Variants in PCDH7 observed in about 807,000 individuals in gnomAD.
PCDH7 encodes the protein protocadherin-7.
PCDH7 carries 17 observed loss-of-function variants against 58.9 expected under a neutral mutation model. That is an observed-to-expected ratio of 0.29 (90% confidence interval 0.20 to 0.43). The LOEUF is 0.43. PCDH7 is among the 20% of genes least tolerant of loss of function. The pLI, the probability that PCDH7 is intolerant of heterozygous loss-of-function variation, is 1.00. For synonymous variants in PCDH7, 664 were observed against 616.4 expected (o/e 1.08, Z -1.14); for missense variants, 1,274 against 1,441.0 (o/e 0.88, Z 1.88).
chr4:30,739,114 T>TATATATATATTTTATATATAAAA (rs200545276), intron 1 of PCDH7, among the ~76,000 whole-genome samples: 36 of 147,530 alleles, frequency 2.4e-4, no homozygotes, highest in East Asian at 1.8e-3. Flanking sequence ...CCTGGAACTA[T>TATATATATATTTTATATATAAAA]ATATATATAT....
At chr4:30,766,151 C>G (rs1259473840) in intron 1 of PCDH7, among the ~76,000 whole-genome samples, 1 of 151,372 alleles carries the variant, frequency 6.6e-6, no homozygotes, top group Non-Finnish European at 1.5e-5. Context: ...AAAGCCCCCT[C>G]TAATTGCAAA....
chr4:30,802,836 C>T lies in PCDH7; in HGVS notation c.70+78240C>T, dbSNP rs143307040. On this transcript the variant is annotated intron_variant, in intron 1 of 3. Transcript: ENST00000509759. ...GCAGCTCTGAAGGTTCAGCTGACAT[C>T]GGAAATCATAAATTTGTAGCAGAGT... is the stretch of plus-strand genomic sequence containing the variant. 7.8e-3 allele frequency among the ~76,000 whole-genome samples: 1,180 copies of T among 152,036 alleles called. 12 individuals are homozygous for T. The highest frequency in any genetic ancestry group is 0.027 in the African/African-American group (1,112 of 41,458).
At chr4:30,775,110 A>T (rs1337336621) in intron 1 of PCDH7, among the ~76,000 whole-genome samples, 1 of 152,160 alleles carries the variant, frequency 6.6e-6, no homozygotes, top group South Asian at 2.1e-4. Context: ...GAGAACCATG[A>T]CATTCCAGGG....
At chr4:31,106,550 C>T (rs1363609758) in intron 3 of PCDH7, among the ~76,000 whole-genome samples, 1 of 152,208 alleles carries the variant, frequency 6.6e-6, no homozygotes, top group Non-Finnish European at 1.5e-5. Flanking sequence ...GGAAGAGCCA[C>T]TTCCTGATTG....
chr4:31,094,454 T>TA (rs200349371), intron 3 of PCDH7, among the ~76,000 whole-genome samples: 20 of 150,244 alleles, frequency 1.3e-4, no homozygotes, highest in Admixed American at 5.3e-4. Context: ...TCTTAAAGAC[T>TA]AAAAAAAAAA....
exon 1 of PCDH7, chr4:30,724,114 G>A (rs370812318): frequency 3.7e-6 from 6 of 1,613,996 alleles, no homozygotes; most frequent in Non-Finnish European, 5.1e-6. Context: ...CATCTTAATT[G>A]TAGTGATGGC....
intron 1 of PCDH7, among the ~76,000 whole-genome samples, chr4:30,873,361 T>A (rs943147340): frequency 6.6e-6 from 1 of 152,126 alleles, no homozygotes; most frequent in African/African-American, 2.4e-5. Context: ...TAGGCAAATA[T>A]ATAAAATTGG....
At chr4:30,919,315 T>C (rs1205480438) in intron 1 of PCDH7, among the ~76,000 whole-genome samples, 2 of 152,160 alleles carry the variant, frequency 1.3e-5, no homozygotes, top group African/African-American at 4.8e-5. Context: ...TTTTATTTTG[T>C]GGTTAACCAA....
intron 1 of PCDH7, among the ~76,000 whole-genome samples, chr4:30,821,269 CT>C (rs1385067255): frequency 7.9e-5 from 12 of 151,998 alleles, no homozygotes; most frequent in Admixed American, 7.9e-4. Context: ...GGAAAATCAC[CT>C]AAAGTGTTGT....
intron 1 of PCDH7, among the ~76,000 whole-genome samples, chr4:30,829,480 T>C (rs1729508885): frequency 1.3e-5 from 2 of 151,954 alleles, no homozygotes; most frequent in South Asian, 4.1e-4. Context: ...GGAGGGAAAA[T>C]CTCTGTTAAT....
chr4:30,995,649 A>T (rs1751835541), intron 3 of PCDH7, among the ~76,000 whole-genome samples: 1 of 152,192 alleles, frequency 6.6e-6, no homozygotes, highest in Admixed American at 6.5e-5. Context: ...TCCAAAGTGT[A>T]TCTCACTGAA....
chr4:31,121,080 G>T (rs1001299590), intron 3 of PCDH7, among the ~76,000 whole-genome samples: 4 of 152,086 alleles, frequency 2.6e-5, no homozygotes, highest in African/African-American at 7.2e-5. Flanking sequence ...ATTAACGCTG[G>T]TGTGCTGGAT....
chr4:30,944,515 A>T (rs1219173055), intron 2 of PCDH7, among the ~76,000 whole-genome samples: 1 of 152,122 alleles, frequency 6.6e-6, no homozygotes, highest in Non-Finnish European at 1.5e-5. Context: ...AAAACCAAAC[A>T]CATAGGACCA....
intron 3 of PCDH7, among the ~76,000 whole-genome samples, chr4:31,056,673 GAGAA>G (rs71988084): frequency 0.13 from 19,472 of 150,388 alleles, 1,527 homozygotes; most frequent in East Asian, 0.31. Context: ...GAGAGAGAAA[GAGAA>G]AGAGAGAGGA....
At chr4:30,914,969 T>C (rs1311095130) in intron 1 of PCDH7, among the ~76,000 whole-genome samples, 1 of 152,200 alleles carries the variant, frequency 6.6e-6, no homozygotes, top group African/African-American at 2.4e-5. Flanking sequence ...ACATACCCCA[T>C]TAATAAAATT....
intron 3 of PCDH7, among the ~76,000 whole-genome samples, chr4:31,052,752 G>A (rs1275983926): frequency 6.6e-6 from 1 of 152,150 alleles, no homozygotes; most frequent in Non-Finnish European, 1.5e-5. Context: ...GCTGATGCCA[G>A]CATCTGACTA....
intron 1 of PCDH7, among the ~76,000 whole-genome samples, chr4:30,793,522 T>TA (rs1724400574): frequency 6.6e-6 from 1 of 151,992 alleles, no homozygotes; most frequent in Non-Finnish European, 1.5e-5. Context: ...CCAACGGGTT[T>TA]AGTGAAGACA....
chr4:30,941,773 C>T (rs1042152732), intron 2 of PCDH7, among the ~76,000 whole-genome samples: 11 of 151,794 alleles, frequency 7.2e-5, no homozygotes, highest in African/African-American at 2.7e-4. Flanking sequence ...CTATCTAATA[C>T]TAAGTTTAGC....
At chr4:30,840,840 A>G (rs1402326669) in intron 1 of PCDH7, among the ~76,000 whole-genome samples, 4 of 151,616 alleles carry the variant, frequency 2.6e-5, no homozygotes, top group South Asian at 2.1e-4. Flanking sequence ...TGTAAAGCCA[A>G]CTTCTAGCTG....
Sources: allele counts gnomAD v4.1 joint callset (sites outside exome capture counted in the v4.1 genomes callset), GRCh38; gene constraint gnomAD v4.1.1; transcripts MANE v1.5; gene names NCBI Gene and HGNC (gene_info 2026-07-23, HGNC 2026-07-21).